Variants in OR2T12 observed in about 807,000 individuals in gnomAD.
OR2T12 encodes the protein olfactory receptor 2T12.
For synonymous variants in OR2T12, 127 were observed against 160.5 expected, an observed-to-expected ratio of 0.79 and a Z score of 1.58; for missense variants, 335 against 404.3, an observed-to-expected ratio of 0.83 and a Z score of 1.47.
chr1:248,298,064 T>C (rs566892624), intron 2 of OR2T12, among the ~76,000 whole-genome samples: 1 of 152,060 alleles, frequency 6.6e-6, no homozygotes, highest in Non-Finnish European at 1.5e-5. Context: ...GCGTGAAGCG[T>C]TGTTGAAATT....
chr1:248,299,098 C>T (rs892483964), intron 2 of OR2T12, among the ~76,000 whole-genome samples: 5 of 152,142 alleles, frequency 3.3e-5, no homozygotes, highest in African/African-American at 1.2e-4. Flanking sequence ...ATTGTAAAGA[C>T]CATCAAGGCT....
intron 2 of OR2T12, among the ~76,000 whole-genome samples, chr1:248,297,067 C>T (rs1196988262): frequency 1.3e-5 from 2 of 152,150 alleles, no homozygotes; most frequent in Non-Finnish European, 2.9e-5. Flanking sequence ...CAGCTTTCTA[C>T]ATATGGCTAG....
Position 248,295,039 on chromosome 1 carries a change from G to A in OR2T12, c.540C>T (p.Pro180=), listed in dbSNP as rs1478943719. The A allele has an allele frequency of 1.3e-5, 21 of 1,609,786 alleles. No individual in the cohort carries two copies. Among genetic ancestry groups the A allele is most frequent in the South Asian group, 1.1e-4 (10 of 90,866 alleles). ...CAGCACAAGCCAAACGCACCAACAC[G>A]GGGGCCTCGCAGAAGAAGTGATCGA... ...HEIDHFFCEA[P]VLVRLACADT... The change falls in exon 3 of 3, where the codon CCC becomes CCT. Residue 180 remains proline, a synonymous_variant. Coordinates refer to ENST00000641276, the MANE Select transcript of OR2T12 (RefSeq NM_001004692.2).
rs188299592 is a variant in OR2T12 at position 248,291,888 on chromosome 1, A to C, written c.*2728T>G. On this transcript the variant is annotated 3_prime_UTR_variant, in exon 3 of 3. Transcript: ENST00000641276. The stretch of plus-strand genomic sequence containing the variant: ...GAAAACTGGCTAGCCATATGGAGAA[A>C]ACTGAAACTGGACCCCTTCCTTCAA... 3.1e-4 allele frequency: 47 copies of C among 152,274 alleles called. No homozygotes were observed. Among genetic ancestry groups the C allele is most frequent in the African/African-American group, 1.1e-3 (47 of 41,558 alleles). The allele number at this position is 152,274 out of a possible 1,614,324, so 9.4% of individuals were successfully genotyped here.
intron 2 of OR2T12, among the ~76,000 whole-genome samples, chr1:248,299,109 A>T (rs1659777212): frequency 6.6e-6 from 1 of 152,200 alleles, no homozygotes; most frequent in South Asian, 2.1e-4. Flanking sequence ...CATCAAGGCT[A>T]GGAGGAAACT....
rs931652684 is a variant in OR2T12 at position 248,294,387 on chromosome 1, GGTT to G, written c.*226_*228del. The G allele has an allele frequency of 3.0e-5, 14 of 461,220 alleles. No individual in the cohort carries two copies. Among genetic ancestry groups the G allele is most frequent in the Middle Eastern group, 6.0e-4 (1 of 1,668 alleles). The allele number at this position is 461,220 out of a possible 1,614,324, so 28.6% of individuals were successfully genotyped here. A position where few individuals can be genotyped will look rare whatever the true frequency, so the allele number is the denominator to read the frequency against. Reference sequence around the variant, plus strand: ...GAAAAAAAGAAAACTTATATCATGGGGTTGTTGTAGGATACAAAGTAATCTATA... The same window carrying G: ...GAAAAAAAGAAAACTTATATCATGGGGTTGTAGGATACAAAGTAATCTATA... On this transcript the variant is annotated 3_prime_UTR_variant, in exon 3 of 3. Transcript: ENST00000641276.
At position 248,295,526 on chromosome 1, in the gene OR2T12, T is replaced by C. The variant is rs756476760; in HGVS notation, c.53A>G (p.His18Arg). The change falls in exon 3 of 3, where the codon CAC becomes CGC. Residue 18 changes from histidine (H) to arginine (R), a missense_variant. His to Arg is a conservative substitution (Grantham distance 29). Transcript: ENST00000641276. ...PDFILLGLFN[H>R]TRAHQVLFMM... The stretch of plus-strand genomic sequence containing the variant: ...GAAGAGGACTTGGTGGGCTCTGGTG[T>C]GGTTAAAGAGTCCTAGGAGAATAAA... 3 of 1,613,018 alleles carry C rather than the reference T, an allele frequency of 1.9e-6. No homozygotes were observed. Among genetic ancestry groups the C allele is most frequent in the South Asian group, 1.1e-5 (1 of 90,920 alleles).
chr1:248,297,981 G>T (rs1659758662), intron 2 of OR2T12, among the ~76,000 whole-genome samples: 2 of 151,312 alleles, frequency 1.3e-5, no homozygotes, highest in Admixed American at 1.3e-4. Context: ...GATATTGGCT[G>T]TGGGTTTGTC....
At chr1:248,299,812 G>T (rs2103039567) in intron 2 of OR2T12, among the ~76,000 whole-genome samples, 1 of 152,222 alleles carries the variant, frequency 6.6e-6, no homozygotes, top group Middle Eastern at 3.4e-3. Context: ...AAATCTAAAA[G>T]AACAGAAATT....
At chr1:248,298,253 CAGT>C (rs1659764025) in intron 2 of OR2T12, among the ~76,000 whole-genome samples, 1 of 152,108 alleles carries the variant, frequency 6.6e-6, no homozygotes, top group African/African-American at 2.4e-5. Context: ...TTTGGTTTGC[CAGT>C]ATTTTATTGA....
Position 248,295,018 on chromosome 1 carries a change from A to C in OR2T12, c.561T>G (p.Cys187Trp). 3 of 1,610,878 alleles carry C rather than the reference A, an allele frequency of 1.9e-6. No individual in the cohort carries two copies. The highest frequency in any genetic ancestry group is 2.5e-6 in the Non-Finnish European group (3 of 1,179,648). The change falls in exon 3 of 3, where the codon TGT becomes TGG. Residue 187 changes from cysteine (C) to tryptophan (W), a missense_variant. Coordinates refer to ENST00000641276, the MANE Select transcript of OR2T12 (RefSeq NM_001004692.2). ...CEAPVLVRLA[C>W]ADTSVFENAM... is the part of the protein sequence containing the mutation. ...CGTTTTCGAAGACTGAAGTGTCAGC[A>C]CAAGCCAAACGCACCAACACGGGGG...
chr1:248,299,290 C>T (rs569539257), intron 2 of OR2T12, among the ~76,000 whole-genome samples: 105 of 152,200 alleles, frequency 6.9e-4, no homozygotes, highest in African/African-American at 2.3e-3. Context: ...TCAGGAAACC[C>T]GTCTCACGTG....
At chr1:248,296,208 TA>T (rs1423896035) in intron 2 of OR2T12, among the ~76,000 whole-genome samples, 2 of 152,204 alleles carry the variant, frequency 1.3e-5, no homozygotes, top group African/African-American at 2.4e-5. Context: ...GGCTGCATAG[TA>T]TTCCATGGTG....
chr1:248,303,146 ATAAGCTGAGGCAGG>A (rs1659833693), intron 1 of OR2T12, among the ~76,000 whole-genome samples, 186 bp downstream of exon 1: 1 of 152,152 alleles, frequency 6.6e-6, no homozygotes, highest in Non-Finnish European at 1.5e-5. Flanking sequence ...TTTCACATTG[ATAAGCTGAGGCAGG>A]TAACCACTCC....
rs1483217465 is a variant in OR2T12 at position 248,294,005 on chromosome 1, A to C, written c.*611T>G. On this transcript the variant is annotated 3_prime_UTR_variant, in exon 3 of 3. Coordinates refer to ENST00000641276, the MANE Select transcript of OR2T12 (RefSeq NM_001004692.2). ...CCTTTTGTCATGCATCTATATTTTA[A>C]AATATAACTTAAAAATAATGTTATT... 6.6e-6 allele frequency: 1 copy of C among 152,178 alleles called. No homozygotes were observed. Among genetic ancestry groups the C allele is most frequent in the Non-Finnish European group, 1.5e-5 (1 of 68,036 alleles). The allele number at this position is 152,178 out of a possible 1,614,324, so 9.4% of individuals were successfully genotyped here. A position where few individuals can be genotyped will look rare whatever the true frequency, so the allele number is the denominator to read the frequency against.
intron 2 of OR2T12, 23 bp downstream of exon 2, chr1:248,301,350 T>C (rs533394858): frequency 1.1e-4 from 16 of 152,230 alleles, no homozygotes; most frequent in African/African-American, 3.6e-4. Context: ...GTAAGTAAGA[T>C]ACATATGAGA....
chr1:248,302,889 G>A (rs1375259585), intron 1 of OR2T12, among the ~76,000 whole-genome samples: 1 of 152,124 alleles, frequency 6.6e-6, no homozygotes, highest in African/African-American at 2.4e-5. Flanking sequence ...CAGAAAGCAA[G>A]AGTGACACAG....
rs1008176864 is a variant in OR2T12, at chr1:248,299,132, G to A, written c.-9+2241C>T. On this transcript the variant is annotated intron_variant, in intron 2 of 2. Transcript: ENST00000641276. ...CTAGGAGGAAACTGCATCAACTAAC[G>A]AGCAAAATAACCAGCTAACATCATA... Among the ~76,000 whole-genome samples, 134 of 152,148 alleles carry A rather than the reference G, an allele frequency of 8.8e-4. 1 individual carries two copies. Among genetic ancestry groups the A allele is most frequent in the Non-Finnish European group, 1.1e-3 (76 of 67,990 alleles).
intron 2 of OR2T12, among the ~76,000 whole-genome samples, chr1:248,297,889 T>G (rs1406734553): frequency 6.7e-6 from 1 of 150,224 alleles, no homozygotes; most frequent in African/African-American, 2.5e-5. Context: ...AACACTATGT[T>G]GAATAGGAGT....
Sources: gnomAD v4.1 joint callset for allele counts (sites outside exome capture counted in the v4.1 genomes callset) on GRCh38, gnomAD v4.1.1 for gene constraint, MANE v1.5 for transcripts, NCBI Gene and HGNC (gene_info 2026-07-23, HGNC 2026-07-21) for gene names.